Variants in CPLANE1 observed in about 807,000 individuals in gnomAD.
The protein encoded by CPLANE1 is ciliogenesis and planar polarity effector complex subunit 1, also known as ciliogenesis and planar polarity effector 1.
CPLANE1 carries 263 observed loss-of-function variants against 362.5 expected under a neutral mutation model. That is an observed-to-expected ratio of 0.73 (90% CI 0.66 to 0.80). CPLANE1 has a LOEUF of 0.80. Among genes scored for constraint, CPLANE1 ranks in the 30% least tolerant of loss-of-function variants. The pLI is 0.00. For missense variants in CPLANE1, 3,461 were observed against 3,793.4 expected (o/e 0.91, Z 2.30); for synonymous variants, 1,212 against 1,302.6 (o/e 0.93, Z 1.50).
rs1784890232 is a variant in CPLANE1 at position 37,189,461 on chromosome 5, A to G, written c.3812-1619T>C. Among the ~76,000 whole-genome samples, 3 of 152,168 alleles carry G rather than the reference A, an allele frequency of 2.0e-5. No homozygotes were observed. In the South Asian group the frequency reaches 6.2e-4, roughly 32 times the overall value. On this transcript the variant is annotated intron_variant, in intron 21 of 52. Transcript: ENST00000651892. ...GGGAGCACGGCCCAATCTTTTGAGA[A>G]AGGCATCATTACTGACAGATGTGTT...
At position 37,209,562 on chromosome 5, in the gene CPLANE1, A is replaced by G; in HGVS notation, c.2921-3137T>C. On this transcript the variant is annotated intron_variant, in intron 16 of 52. Coordinates refer to ENST00000651892, the MANE Select transcript of CPLANE1 (RefSeq NM_001384732.1). This position sits in a 1 kb window ranked among gnomAD's most constrained non-coding sequence, Gnocchi z 4.6. Reference sequence around the variant, plus strand: ...ACCTCAGTCCATTTCAGTGCAAGGGAGCTCCCTCTTAATAAGTGCCTCTAA... The same window carrying G: ...ACCTCAGTCCATTTCAGTGCAAGGGGGCTCCCTCTTAATAAGTGCCTCTAA... 2 of 1,322,606 alleles carry G rather than the reference A, an allele frequency of 1.5e-6. No homozygotes were observed. Among genetic ancestry groups the G allele is most frequent in the East Asian group, 2.3e-5 (1 of 43,340 alleles). The allele number at this position is 1,322,606 out of a possible 1,614,324, so 81.9% of individuals were successfully genotyped here.
At chr5:37,098,004 AC>A in the CPLANE1 span, among the ~76,000 whole-genome samples, 9 of 152,304 alleles carry the variant, frequency 5.9e-5, no homozygotes, top group African/African-American at 2.2e-4. Flanking sequence ...ATATATATGC[AC>A]CCAACACTGA....
At chr5:37,119,847 C>T (rs1053351861) in intron 50 of CPLANE1, among the ~76,000 whole-genome samples, 2 of 148,316 alleles carry the variant, frequency 1.3e-5, no homozygotes, top group Admixed American at 6.8e-5. Flanking sequence ...ATTAGCCGGG[C>T]GTGGTGGTGG....
At chr5:37,123,960 C>CACACACACACACACACAT (rs1763431455) in intron 47 of CPLANE1, among the ~76,000 whole-genome samples, 2 of 151,798 alleles carry the variant, frequency 1.3e-5, no homozygotes, top group African/African-American at 4.8e-5. Context: ...CACACACACA[C>CACACACACACACACACAT]ACACAGTCTC....
chr5:37,201,847 G>A (rs745653925), intron 18 of CPLANE1, 39 bp from the exon 19 acceptor site: 3 of 1,388,214 alleles, frequency 2.2e-6, no homozygotes, highest in South Asian at 2.5e-5. Flanking sequence ...GTTAAAGCTT[G>A]TATTAAACTT....
Position 37,224,673 on chromosome 5 carries a change from C to A in CPLANE1, c.2359G>T (p.Val787Phe). Reference protein sequence around the residue: ...LWYQAQLNRRVPEADSQLTEK... With the variant: ...LWYQAQLNRRFPEADSQLTEK... ...GTTAACTGACTATCAGCTTCAGGAA[C>A]TCTTCGATTTAATTGTGCTTGATAC... The change falls in exon 13 of 53, where the codon GTT becomes TTT. Residue 787 changes from valine to phenylalanine, a missense_variant. By Grantham distance (50) the Val-to-Phe change is conservative. Transcript: ENST00000651892. 1 of 1,551,584 alleles carries A rather than the reference C, an allele frequency of 6.4e-7. No homozygotes were observed. The highest frequency in any genetic ancestry group is 8.7e-7 in the Non-Finnish European group (1 of 1,146,872).
rs187679444 is a variant in CPLANE1, at chr5:37,167,404, G to T, written c.7234-191C>A. ...TCTTAGAGAAAAAGTGATTTAAAGT[G>T]CTGAAAGTTTCAAATGGGTCATCCT... is the stretch of plus-strand genomic sequence containing the variant. On this transcript the variant is annotated intron_variant, in intron 34 of 52. Coordinates refer to ENST00000651892, the MANE Select transcript of CPLANE1 (RefSeq NM_001384732.1). Among the ~76,000 whole-genome samples, 103 of 152,312 alleles carry T rather than the reference G, an allele frequency of 6.8e-4. 2 individuals are homozygous for T. In the East Asian group the frequency reaches 0.018, roughly 27 times the overall value.
intron 38 of CPLANE1, among the ~76,000 whole-genome samples, chr5:37,162,082 A>T (rs986359510): frequency 3.3e-5 from 5 of 152,196 alleles, no homozygotes; most frequent in African/African-American, 1.2e-4. Context: ...TCCTGGACAC[A>T]GTTAAATACC....
intron 46 of CPLANE1, among the ~76,000 whole-genome samples, chr5:37,132,343 T>TTG (rs1554055424): frequency 5.2e-4 from 71 of 135,522 alleles, no homozygotes; most frequent in African/African-American, 1.9e-3. Flanking sequence ...TCAAGTTTTT[T>TTG]TTTTTTTTTT....
rs1777874631 is a variant in CPLANE1, at chr5:37,165,048, G to T, written c.7533+491C>A. Among the ~76,000 whole-genome samples the T allele has an allele frequency of 2.0e-5, 3 of 152,252 alleles. No individual in the cohort carries two copies. The South Asian group carries it at 6.2e-4, about 32-fold the overall frequency. ...CCGAGCCCAGGAGGTAGAGGCTGCA[G>T]TGAGCTATATTTATGCCACTGCACT... On this transcript the variant is annotated intron_variant, in intron 36 of 52. Coordinates refer to ENST00000651892, the MANE Select transcript of CPLANE1 (RefSeq NM_001384732.1).
intron 30 of CPLANE1, 143 bp from the exon 31 acceptor site, chr5:37,176,129 A>G: frequency 1.7e-6 from 1 of 577,406 alleles, no homozygotes; most frequent in Non-Finnish European, 3.0e-6. Context: ...CAATCTGTTT[A>G]CATTTGTCTC....
At chr5:37,090,484 A>G in the CPLANE1 span, among the ~76,000 whole-genome samples, 1 of 152,242 alleles carries the variant, frequency 6.6e-6, no homozygotes, top group Non-Finnish European at 1.5e-5. Flanking sequence ...TATTGCCAGT[A>G]TCTATTAATC....
intron 43 of CPLANE1, among the ~76,000 whole-genome samples, chr5:37,144,721 G>A (rs1249723569): frequency 6.6e-6 from 1 of 150,988 alleles, no homozygotes; most frequent in Non-Finnish European, 1.5e-5. Flanking sequence ...CGCGGTGGCG[G>A]GCACCTGTAG....
intron 49 of CPLANE1, 49 bp downstream of exon 49, chr5:37,121,568 A>G (rs1301125363): frequency 1.3e-6 from 2 of 1,546,942 alleles, no homozygotes; most frequent in South Asian, 2.3e-5. Context: ...ATTTCTTCTT[A>G]TCAGGCCTGA....
At chr5:37,131,195 T>C (rs1214390267) in intron 46 of CPLANE1, among the ~76,000 whole-genome samples, 1 of 152,228 alleles carries the variant, frequency 6.6e-6, no homozygotes, top group Non-Finnish European at 1.5e-5. Flanking sequence ...ATGCAGTTAT[T>C]TGGGGGATGG....
At position 37,213,821 on chromosome 5, in the gene CPLANE1, T is replaced by C. The variant is rs904505713; in HGVS notation, c.2747-89A>G. 2.2e-5 allele frequency: 23 copies of C among 1,056,316 alleles called. No individual in the cohort carries two copies. In the South Asian group the frequency reaches 6.2e-4, roughly 28 times the overall value. 65.4% of individuals were successfully genotyped at this position (1,056,316 alleles called of 1,614,324 possible). ...TTCCCAACATTATACAAAAAGAAAA[T>C]TGCAATACCTTTTTTTCTGAGATAA... On this transcript the variant is annotated intron_variant, in intron 15 of 52. Coordinates refer to ENST00000651892, the MANE Select transcript of CPLANE1 (RefSeq NM_001384732.1).
chr5:37,180,068 C>T lies in CPLANE1; in HGVS notation c.5686G>A (p.Val1896Ile). The change falls in exon 28 of 53, where the codon GTA becomes ATA. Residue 1896 changes from valine to isoleucine, a missense_variant. Transcript: ENST00000651892. ...FIDIDENLLEVEAFTEEEMDM... is the reference protein window; with the variant it reads ...FIDIDENLLEIEAFTEEEMDM... ...ATTTCCTCTTCTGTAAATGCTTCTA[C>T]TTCTAAAAGATTCTCATCAATATCT... 3 of 1,572,410 alleles carry T rather than the reference C, an allele frequency of 1.9e-6. No individual in the cohort carries two copies. The highest frequency in any genetic ancestry group is 2.6e-6 in the Non-Finnish European group (3 of 1,157,420).
At chr5:37,087,930 T>C in the CPLANE1 span, among the ~76,000 whole-genome samples, 3 of 152,210 alleles carry the variant, frequency 2.0e-5, no homozygotes, top group Non-Finnish European at 4.4e-5. Flanking sequence ...ATACCTCCTC[T>C]GGAAGGCAGA....
At chr5:37,218,776 C>T (rs1794712170) in intron 15 of CPLANE1, among the ~76,000 whole-genome samples, 2 of 151,192 alleles carry the variant, frequency 1.3e-5, no homozygotes, top group African/African-American at 2.4e-5. Context: ...GGTGAAACCC[C>T]GTCTCTACTA....
Sources: allele counts gnomAD v4.1 joint callset (sites outside exome capture counted in the v4.1 genomes callset), GRCh38; gene constraint gnomAD v4.1.1; non-coding constraint Gnocchi (gnomAD v3.1); transcripts MANE v1.5; gene names NCBI Gene and HGNC (gene_info 2026-07-23, HGNC 2026-07-21).